DLG2: variants seen among roughly 807,000 people sequenced by gnomAD.
DLG2 encodes disks large homolog 2.
A neutral mutation model predicts 132.5 loss-of-function variants in DLG2; 45 were observed. That is an observed-to-expected ratio of 0.34 (90% CI 0.27 to 0.44). The LOEUF (loss-of-function observed/expected upper bound fraction) is 0.44. Among genes scored for constraint, DLG2 ranks in the 20% least tolerant of loss-of-function variants. The pLI is 1.00. For synonymous variants in DLG2, 424 were observed against 419.6 expected, an observed-to-expected ratio of 1.01 and a Z score of -0.13; for missense variants, 1,045 against 1,196.9, an observed-to-expected ratio of 0.87 and a Z score of 1.87.
In DLG2 at chr11:85,224,243, A is replaced by AG. The variant is rs1237524443; in HGVS notation, c.186+60976dup. ...AAGGACATAATAATTGACAGAAATC[A>AG]GGTGTAGGGTAAGAAGCAACAGGGG... On this transcript the variant is annotated intron_variant, in intron 4 of 27. Transcript: ENST00000376104. Among the ~76,000 whole-genome samples, 4 of 152,288 alleles carry AG rather than the reference A, an allele frequency of 2.6e-5. No homozygotes were observed. The South Asian group carries it at 8.3e-4, about 32-fold the overall frequency.
chr11:83,906,053 G>GTCTCTCTCTC, intron 15 of DLG2, among the ~76,000 whole-genome samples: 1 of 128,828 alleles, frequency 7.8e-6, no homozygotes, highest in South Asian at 2.6e-4. Flanking sequence ...CTGTCTGTCT[G>GTCTCTCTCTC]TCTCTCTCTC....
intron 21 of DLG2, among the ~76,000 whole-genome samples, chr11:83,508,245 C>CTTT (rs761737091): frequency 2.1e-5 from 3 of 140,442 alleles, no homozygotes; most frequent in South Asian, 2.3e-4. Context: ...GAATATACAT[C>CTTT]TTTTTTTTTT....
chr11:84,504,581 T>A (rs1386891238), intron 7 of DLG2, among the ~76,000 whole-genome samples: 2 of 151,638 alleles, frequency 1.3e-5, no homozygotes, highest in African/African-American at 4.9e-5. Context: ...ATCTTCAGAG[T>A]TTTTTCCCTA....
At position 84,282,101 on chromosome 11, in the gene DLG2, AG is replaced by A. The variant is rs1239610039; in HGVS notation, c.520-30811del. Among the ~76,000 whole-genome samples the A allele has an allele frequency of 8.5e-5, 13 of 152,234 alleles. 1 individual carries two copies. Among genetic ancestry groups the A allele is most frequent in the Non-Finnish European group, 1.9e-4 (13 of 68,038 alleles). ...AGTAGCTTTATCTGTAATAGCCAAA[AG>A]CTTGAAATAACATCAAAAGATGAAT... On this transcript the variant is annotated intron_variant, in intron 7 of 27. Coordinates refer to ENST00000376104, the MANE Select transcript of DLG2 (RefSeq NM_001142699.3).
intron 18 of DLG2, among the ~76,000 whole-genome samples, chr11:83,669,051 G>C (rs1480454958): frequency 6.6e-6 from 1 of 151,688 alleles, no homozygotes; most frequent in Admixed American, 6.6e-5. Flanking sequence ...CCATCAAAAT[G>C]CTCTATTGGA....
At chr11:84,001,035 A>AACAT (rs2154043305) in intron 11 of DLG2, among the ~76,000 whole-genome samples, 1 of 152,204 alleles carries the variant, frequency 6.6e-6, no homozygotes, top group Non-Finnish European at 1.5e-5. Flanking sequence ...AGGAACAAAG[A>AACAT]ACATACAGAA....
intron 21 of DLG2, among the ~76,000 whole-genome samples, chr11:83,507,293 C>A (rs911569885): frequency 6.6e-5 from 10 of 151,622 alleles, no homozygotes; most frequent in African/African-American, 2.4e-4. Flanking sequence ...TTCCAAAAAC[C>A]CCCAAAACTA....
At chr11:84,869,387 C>T (rs537819735) in intron 6 of DLG2, among the ~76,000 whole-genome samples, 4 of 152,120 alleles carry the variant, frequency 2.6e-5, no homozygotes, top group Non-Finnish European at 2.9e-5. Context: ...TCACATGTCA[C>T]GGGCAAGATG....
intron 2 of DLG2, among the ~76,000 whole-genome samples, chr11:85,614,123 C>T (rs1024274848): frequency 3.3e-5 from 5 of 152,280 alleles, no homozygotes; most frequent in Middle Eastern, 3.4e-3. Flanking sequence ...ACACTCACCA[C>T]GAGTATCAGT....
At chr11:83,771,793 G>A (rs752589767) in intron 18 of DLG2, among the ~76,000 whole-genome samples, 1 of 152,134 alleles carries the variant, frequency 6.6e-6, no homozygotes, top group Admixed American at 6.5e-5. Flanking sequence ...TATAAAATCA[G>A]TTCTTCTGAG....
At chr11:84,005,264 C>A (rs762015023) in intron 11 of DLG2, among the ~76,000 whole-genome samples, 6 of 151,894 alleles carry the variant, frequency 4.0e-5, no homozygotes, top group South Asian at 4.1e-4. Context: ...ACATCCTTTT[C>A]AATAAGTGAT....
chr11:83,714,111 A>G (rs757479159), intron 18 of DLG2, among the ~76,000 whole-genome samples: 61 of 152,188 alleles, frequency 4.0e-4, no homozygotes, highest in Non-Finnish European at 7.1e-4. Context: ...AACAAAACAG[A>G]AACAGTTGGT....
chr11:85,433,144 C>T (rs1396597225), intron 3 of DLG2, among the ~76,000 whole-genome samples: 2 of 152,154 alleles, frequency 1.3e-5, no homozygotes, highest in African/African-American at 4.8e-5. Flanking sequence ...ATTAGGCCTG[C>T]TTTGTAAAAG....
intron 18 of DLG2, among the ~76,000 whole-genome samples, chr11:83,773,906 T>C (rs2094490020): frequency 6.6e-6 from 1 of 152,250 alleles, no homozygotes; most frequent in African/African-American, 2.4e-5. Context: ...TTTTTCATCC[T>C]AAGCACACAA....
intron 2 of DLG2, among the ~76,000 whole-genome samples, chr11:85,615,363 C>A (rs573880990): frequency 2.0e-5 from 3 of 151,916 alleles, no homozygotes; most frequent in African/African-American, 7.2e-5. Context: ...ACTAAAAATA[C>A]AAAAATTAGC....
intron 16 of DLG2, among the ~76,000 whole-genome samples, chr11:83,859,832 C>A (rs556245289): frequency 6.6e-6 from 1 of 152,076 alleles, no homozygotes; most frequent in South Asian, 2.1e-4. Flanking sequence ...ATGGTTTTGT[C>A]GGCCAGGCCC....
intron 22 of DLG2, chr11:83,480,731 G>A (rs2093035579): frequency 4.0e-6 from 4 of 1,000,858 alleles, no homozygotes; most frequent in Non-Finnish European, 6.0e-6. Context: ...TGACTTTCAA[G>A]ATTTATGTGA....
At chr11:83,804,579 G>GACACACACACACACAC (rs61221099) in intron 17 of DLG2, among the ~76,000 whole-genome samples, 23,905 of 141,862 alleles carry the variant, frequency 0.17, 2,343 homozygotes, top group Middle Eastern at 0.27. Flanking sequence ...CCTAGCAGAA[G>GACACACACACACACAC]ACACACACAC....
chr11:84,939,493 T>C (rs540623879), intron 6 of DLG2, among the ~76,000 whole-genome samples: 3 of 152,290 alleles, frequency 2.0e-5, no homozygotes, highest in East Asian at 1.9e-4. Flanking sequence ...TACTAGATCT[T>C]ATTCATTTTA....
Sources: gnomAD v4.1 joint callset for allele counts (sites outside exome capture counted in the v4.1 genomes callset) on GRCh38, gnomAD v4.1.1 for gene constraint, MANE v1.5 for transcripts, NCBI Gene and HGNC (gene_info 2026-07-23, HGNC 2026-07-21) for gene names.